Variants in C5orf63 observed in about 807,000 individuals in gnomAD.
The protein encoded by C5orf63 is glutaredoxin-like protein C5orf63.
C5orf63 carries 18 observed loss-of-function variants against 13.3 expected under a neutral mutation model. The ratio of observed to expected loss-of-function variants is 1.36; its 90% confidence interval spans 0.94 to 2.01. C5orf63 has a LOEUF of 2.01. C5orf63 is among the 30% of genes most tolerant of loss of function. The pLI is 0.00. For synonymous variants in C5orf63, 38 were observed against 44.7 expected (o/e 0.85, Z 0.60); for missense variants, 118 against 127.7 (o/e 0.92, Z 0.36).
At chr5:127,056,275 G>T (rs1344689022) in intron 3 of C5orf63, 1 of 152,556 alleles carries the variant, frequency 6.6e-6, no homozygotes, top group Non-Finnish European at 1.5e-5. Flanking sequence ...TGACTGAGAT[G>T]TGAGATCTGA....
downstream of C5orf63, chr5:127,048,006 C>A: frequency 1.7e-6 from 1 of 605,924 alleles, no homozygotes. Flanking sequence ...ACCCAATAAA[C>A]AGTTAAAGCA....
downstream of C5orf63, among the ~76,000 whole-genome samples, chr5:127,049,510 C>T (rs929687586): frequency 1.3e-5 from 2 of 152,322 alleles, no homozygotes; most frequent in African/African-American, 4.8e-5. Flanking sequence ...TACCATTTGA[C>T]ATGTGTCAGT....
At chr5:127,062,906 T>A (rs1238733688) in intron 2 of C5orf63, among the ~76,000 whole-genome samples, 1 of 152,154 alleles carries the variant, frequency 6.6e-6, no homozygotes, top group Non-Finnish European at 1.5e-5. Flanking sequence ...ACAGACATGA[T>A]TTTATCCTTC....
Position 127,051,321 on chromosome 5 carries a change from CT to C in C5orf63, c.*449del. ...TGCAGATGTATTCCTTAAAACATCG[CT>C]TTATTGACCGTGCACAGTTATTAAC... is the stretch of plus-strand genomic sequence containing the variant. On this transcript the variant is annotated 3_prime_UTR_variant, in exon 5 of 5. Coordinates refer to ENST00000296662, the MANE Select transcript of C5orf63 (RefSeq NM_001164478.2). The C allele has an allele frequency of 8.1e-7, 1 of 1,230,548 alleles. No homozygotes were observed. The highest frequency in any genetic ancestry group is 1.0e-6 in the Non-Finnish European group (1 of 987,274). The allele number at this position is 1,230,548 out of a possible 1,614,324, so 76.2% of individuals were successfully genotyped here. A position where few individuals can be genotyped will look rare whatever the true frequency, so the allele number is the denominator to read the frequency against.
intron 2 of C5orf63, among the ~76,000 whole-genome samples, chr5:127,064,877 G>T (rs1407151498): frequency 6.6e-6 from 1 of 152,092 alleles, no homozygotes; most frequent in Non-Finnish European, 1.5e-5. Flanking sequence ...TTGAAGTGTG[G>T]GCCTTGCCTA....
chr5:127,052,184 A>G (rs992887913), intron 4 of C5orf63, among the ~76,000 whole-genome samples: 11 of 152,240 alleles, frequency 7.2e-5, no homozygotes, highest in Admixed American at 7.2e-4. Flanking sequence ...GCATCAGGAC[A>G]GTACTCAGTT....
chr5:127,053,045 G>A (rs186043459), intron 3 of C5orf63, among the ~76,000 whole-genome samples: 4 of 152,302 alleles, frequency 2.6e-5, no homozygotes, highest in Admixed American at 6.5e-5. Flanking sequence ...CTGACACCAC[G>A]AGGATGGCTT....
intron 2 of C5orf63, among the ~76,000 whole-genome samples, chr5:127,066,632 T>C (rs1214953073): frequency 2.6e-5 from 4 of 152,004 alleles, no homozygotes; most frequent in Non-Finnish European, 5.9e-5. Flanking sequence ...GTTAGGGACA[T>C]GTCAGAACTC....
downstream of C5orf63, chr5:127,051,273 T>C (rs917381370): frequency 4.1e-6 from 5 of 1,211,306 alleles, no homozygotes. Context: ...CAGGTATTAT[T>C]AAATCCCACT....
At chr5:127,063,587 C>T (rs1754193824) in intron 2 of C5orf63, among the ~76,000 whole-genome samples, 3 of 152,200 alleles carry the variant, frequency 2.0e-5, no homozygotes, top group Admixed American at 2.0e-4. Context: ...GATCCCTCAT[C>T]AGCAAGCTGC....
rs755197576 is a variant in C5orf63 at position 127,051,938 on chromosome 5, G to A, written c.181C>T (p.Gln61Ter). The change falls in exon 5 of 5, where the codon CAG becomes TAG. Residue 61 changes from glutamine to a stop codon, truncating the protein, a stop_gained. Transcript: ENST00000296662. LOFTEE classifies it high-confidence loss of function. ...LKPYENRFILQEVNITLPENS... is the reference protein window; with the variant it reads ...LKPYENRFIL ...TCTGGAAGTGTGATGTTCACCTCCT[G>A]TAAAATGAACTGAAACAGAGACAGA... 23 of 1,504,552 alleles carry A rather than the reference G, an allele frequency of 1.5e-5. 2 individuals are homozygous for A. In the South Asian group the frequency reaches 2.4e-4, roughly 16 times the overall value. 93.2% of individuals were successfully genotyped at this position (1,504,552 alleles called of 1,614,324 possible).
chr5:127,061,393 T>C (rs1474708920), intron 2 of C5orf63, among the ~76,000 whole-genome samples: 1 of 152,204 alleles, frequency 6.6e-6, no homozygotes, highest in Non-Finnish European at 1.5e-5. Context: ...TACTGATCCA[T>C]GAAAACAATG....
intron 4 of C5orf63, 134 bp from the exon 5 acceptor site, chr5:127,052,081 G>T: frequency 1.5e-6 from 1 of 669,236 alleles, no homozygotes; most frequent in Non-Finnish European, 2.3e-6. Flanking sequence ...GGTCCACAGT[G>T]ATCTAATGTC....
downstream of C5orf63, chr5:127,047,686 A>G (rs948367057): frequency 1.4e-6 from 1 of 703,566 alleles, no homozygotes; most frequent in Non-Finnish European, 2.6e-6. Flanking sequence ...TTTAGGATAA[A>G]AACAACAGGT....
downstream of C5orf63, among the ~76,000 whole-genome samples, chr5:127,048,522 G>C (rs1753577573): frequency 1.3e-5 from 2 of 151,862 alleles, no homozygotes; most frequent in African/African-American, 2.4e-5. Context: ...AAATTAGTGA[G>C]AGGACATCTT....
chr5:127,052,219 T>A (rs898643721), intron 4 of C5orf63, among the ~76,000 whole-genome samples: 1 of 152,168 alleles, frequency 6.6e-6, no homozygotes, highest in South Asian at 2.1e-4. Context: ...CATGTCCCAG[T>A]TGGGAAGCTG....
chr5:127,044,321 C>T (rs1753471781), downstream of C5orf63: 1 of 152,080 alleles, frequency 6.6e-6, no homozygotes, highest in Non-Finnish European at 1.5e-5. Context: ...TGCTGCTTCT[C>T]CTCTTTTGTA....
At chr5:127,061,228 A>T (rs1158154865) in intron 2 of C5orf63, among the ~76,000 whole-genome samples, 1 of 152,152 alleles carries the variant, frequency 6.6e-6, no homozygotes, top group Non-Finnish European at 1.5e-5. Flanking sequence ...TTCACAGAGC[A>T]TTACTATATT....
downstream of C5orf63, chr5:127,042,952 T>C (rs1753439260): frequency 6.6e-6 from 1 of 152,202 alleles, no homozygotes; most frequent in Non-Finnish European, 1.5e-5. Flanking sequence ...AATTATAGGC[T>C]CCACACCAAT....
Sources: allele counts gnomAD v4.1 joint callset (sites outside exome capture counted in the v4.1 genomes callset), GRCh38; gene constraint gnomAD v4.1.1; transcripts MANE v1.5; gene names NCBI Gene and HGNC (gene_info 2026-07-23, HGNC 2026-07-21).